The following ZZEF1 variants were observed in gnomAD, a reference collection of about 807,000 sequenced individuals.
ZZEF1 encodes zinc finger ZZ-type and EF-hand domain containing 1, also known as zinc finger ZZ-type and EF-hand domain-containing protein 1.
A neutral mutation model predicts 342.8 loss-of-function variants in ZZEF1; 157 were observed. The observed-to-expected ratio is 0.46, with a 90% CI of 0.40 to 0.52. The LOEUF (loss-of-function observed/expected upper bound fraction) is 0.52, where lower values mean the gene tolerates loss of function less well. Ranked by LOEUF, ZZEF1 falls within the 20% of genes least tolerant of loss-of-function variation. The pLI, the probability that ZZEF1 is intolerant of heterozygous loss-of-function variation, is 0.00. For missense variants in ZZEF1, 3,480 were observed against 3,725.6 expected (o/e 0.93, Z 1.72); for synonymous variants, 1,505 against 1,429.1 (o/e 1.05, Z -1.20).
intron 53 of ZZEF1, 195 bp downstream of exon 53, chr17:4,009,409 T>C: frequency 1.4e-6 from 1 of 713,820 alleles, no homozygotes; most frequent in Non-Finnish European, 2.3e-6. Context: ...AAATAAGCAA[T>C]CTCAGAGCTG....
chr17:4,075,647 AAAACTCCATGACC>A (rs2057598003), intron 21 of ZZEF1, among the ~76,000 whole-genome samples: 1 of 152,198 alleles, frequency 6.6e-6, no homozygotes, highest in African/African-American at 2.4e-5. Context: ...ATTACACACA[AAAACTCCATGACC>A]AGCTTGTACC....
At chr17:4,095,698 A>G (rs2058021598) in intron 11 of ZZEF1, 133 bp downstream of exon 11, 3 of 904,002 alleles carry the variant, frequency 3.3e-6, no homozygotes, top group Admixed American at 2.9e-5. Context: ...ATGGCCACTG[A>G]GATGGATTAG....
chr17:4,064,417 G>T lies in ZZEF1; in HGVS notation c.4662C>A (p.Tyr1554Ter). Residue 1554 changes from tyrosine (Y) to a stop codon, truncating the protein, a stop_gained, in exon 29 of 55, where the codon TAC becomes TAA. Coordinates refer to ENST00000381638, the MANE Select transcript of ZZEF1 (RefSeq NM_015113.4). LOFTEE classifies it high-confidence loss of function. ...ARLVPTVKEK[Y>*]PVLKDVMDFI... ...AGTCCATGACGTCCTTCAGCACAGG[G>T]TATTTCTCTTTCACTGTGGGCACCA... is the stretch of plus-strand genomic sequence containing the variant. 1 of 1,613,676 alleles carries T rather than the reference G, an allele frequency of 6.2e-7. No homozygotes were observed.
In ZZEF1 at chr17:4,064,382, T is replaced by G; in HGVS notation, c.4697A>C (p.Asp1566Ala). 6.3e-7 allele frequency: 1 copy of G among 1,598,172 alleles called. No homozygotes were observed. The highest frequency in any genetic ancestry group is 8.6e-7 in the Non-Finnish European group (1 of 1,168,036). The change falls in exon 29 of 55, where the codon GAT becomes GCT. Residue 1566 changes from aspartate (D) to alanine (A), a missense_variant. Asp to Ala is a moderately radical substitution (Grantham distance 126, BLOSUM62 -2). Around this residue, in one of 5 missense-constraint regions of ZZEF1, gnomAD observed 1,528 missense variants for 1,624.1 expected, o/e 0.94. Coordinates refer to ENST00000381638, the MANE Select transcript of ZZEF1 (RefSeq NM_015113.4). Reference sequence around the variant, plus strand: ...TTACCTCCTGTGCGAGAGCGACTGATCCTTAATGAAGTCCATGACGTCCTT... The same window carrying G: ...TTACCTCCTGTGCGAGAGCGACTGAGCCTTAATGAAGTCCATGACGTCCTT... ...VLKDVMDFIK[D>A]QSLSHRSVVK...
rs138364049 is a variant in ZZEF1, at chr17:4,021,301, T to C, written c.7232A>G (p.Tyr2411Cys). 3 of 1,605,352 alleles carry C rather than the reference T, an allele frequency of 1.9e-6. No individual in the cohort carries two copies. The African/African-American group carries it at 4.1e-5, about 22-fold the overall frequency. Reference protein sequence around the residue: ...RDLEILSIMLYSSKKEINALA... With the variant: ...RDLEILSIMLCSSKKEINALA... ...AGCGTTGATCTCCTTTTTTGAGGAG[T>C]ACAGCATGATGGACAAAATCTACAC... Residue 2411 changes from tyrosine (Y) to cysteine (C), a missense_variant, in exon 45 of 55, where the codon TAC (tyrosine) becomes TGC (cysteine). Around this residue, in one of 5 missense-constraint regions of ZZEF1, gnomAD observed 1,269 missense variants for 1,342.4 expected, o/e 0.95. Transcript: ENST00000381638.
chr17:4,004,513 C>G lies in ZZEF1; in HGVS notation c.*2377G>C, dbSNP rs2055762605. The G allele has an allele frequency of 6.6e-6, 1 of 152,506 alleles. No homozygotes were observed. Among genetic ancestry groups the G allele is most frequent in the African/African-American group, 2.4e-5 (1 of 41,450 alleles). The allele number at this position is 152,506 out of a possible 1,614,324, so 9.4% of individuals were successfully genotyped here. A position where few individuals can be genotyped will look rare whatever the true frequency, so the allele number is the denominator to read the frequency against. On this transcript the variant is annotated 3_prime_UTR_variant, in exon 55 of 55. Transcript: ENST00000381638. ...GCATATTTTACCCACAGCTTAACAT[C>G]CTTTTTACAGGCTGAACTCACTCAG...
chr17:4,076,527 C>G, intron 21 of ZZEF1, 110 bp downstream of exon 21: 1 of 1,400,948 alleles, frequency 7.1e-7, no homozygotes, highest in Admixed American at 2.2e-5. Context: ...AGGGAGCCTT[C>G]TAGAGGCTGC....
chr17:4,091,155 C>G (rs1317146263), intron 11 of ZZEF1, among the ~76,000 whole-genome samples: 3 of 152,196 alleles, frequency 2.0e-5, no homozygotes, highest in African/African-American at 4.8e-5. Flanking sequence ...AATGCAACAG[C>G]TGGCATGTGC....
At chr17:4,059,618 C>T (rs936779380) in intron 30 of ZZEF1, among the ~76,000 whole-genome samples, 1 of 152,192 alleles carries the variant, frequency 6.6e-6, no homozygotes, top group Non-Finnish European at 1.5e-5. Flanking sequence ...TTGATCCTCT[C>T]CACACAATCA....
Position 4,141,428 on chromosome 17 carries a change from C to T in ZZEF1, c.354+1114G>A, listed in dbSNP as rs561965489. Among the ~76,000 whole-genome samples, 5 of 152,338 alleles carry T rather than the reference C, an allele frequency of 3.3e-5. No individual in the cohort carries two copies. The South Asian group carries it at 1.0e-3, about 32-fold the overall frequency. On this transcript the variant is annotated intron_variant, in intron 1 of 54. Coordinates refer to ENST00000381638, the MANE Select transcript of ZZEF1 (RefSeq NM_015113.4). ...CCCTTCGTGGCCACTGAAGATTCTACATGACTGGCTAACTCATTTTCACAA... is the reference window on the plus strand; with the variant it reads ...CCCTTCGTGGCCACTGAAGATTCTATATGACTGGCTAACTCATTTTCACAA...
At chr17:4,088,603 T>C (rs1432234215) in intron 13 of ZZEF1, 75 bp downstream of exon 13, 13 of 1,499,888 alleles carry the variant, frequency 8.7e-6, no homozygotes, top group Admixed American at 1.9e-5. Flanking sequence ...GTTTTATCAG[T>C]TGGTGTTCAT....
intron 37 of ZZEF1, among the ~76,000 whole-genome samples, chr17:4,048,873 A>ATTTTTTTTTTTTTTTTT (rs71144157): frequency 3.7e-5 from 5 of 133,754 alleles, no homozygotes; most frequent in Non-Finnish European, 4.7e-5. Flanking sequence ...AGCCTGGATA[A>ATTTTTTTTTTTTTTTTT]TTTTTTTTTT....
At chr17:4,094,111 C>T (rs1056345239) in intron 11 of ZZEF1, among the ~76,000 whole-genome samples, 5 of 152,100 alleles carry the variant, frequency 3.3e-5, no homozygotes, top group African/African-American at 9.7e-5. Flanking sequence ...AGTTCACACA[C>T]TCTTGCAGAA....
intron 17 of ZZEF1, 146 bp downstream of exon 17, chr17:4,082,291 T>C: frequency 1.5e-6 from 1 of 678,390 alleles, no homozygotes; most frequent in African/African-American, 1.8e-5. Context: ...ATTTTACCAC[T>C]ATTTGGGTCA....
rs569013843 is a variant in ZZEF1 at position 4,072,698 on chromosome 17, T to A, written c.3744A>T (p.Pro1248=). 117 of 1,614,082 alleles carry A rather than the reference T, an allele frequency of 7.2e-5. No homozygotes were observed. In the East Asian group the frequency reaches 2.4e-3, roughly 34 times the overall value. Residue 1248 remains proline, a synonymous_variant, in exon 25 of 55, where the codon CCA becomes CCT. Transcript: ENST00000381638. ...QAKMALVLSS[P]LWKPVFRHQV... ...GATGCCTGAAGACAGGTTTCCACAG[T>A]GGGGAGCTTAGGACTAATGCCATTT...
At chr17:4,121,028 T>C (rs1395935642) in intron 2 of ZZEF1, among the ~76,000 whole-genome samples, 3 of 152,200 alleles carry the variant, frequency 2.0e-5, no homozygotes, top group African/African-American at 7.2e-5. Flanking sequence ...CAAAGGTTCA[T>C]TCCAAGACTG....
chr17:4,008,319 T>G lies in ZZEF1; in HGVS notation c.8805+564A>C. ...CTTTGTTTTGAAAAGTTAGAGTCGT[T>G]TTTCACAAGACGTGTTATTCATGTT... On this transcript the variant is annotated intron_variant, in intron 54 of 54. Coordinates refer to ENST00000381638, the MANE Select transcript of ZZEF1 (RefSeq NM_015113.4). The surrounding 1 kb of genome is among the most constrained non-coding windows in gnomAD (Gnocchi z 4.2). 1.8e-5 allele frequency: 3 copies of G among 162,720 alleles called. No homozygotes were observed. The highest frequency in any genetic ancestry group is 3.8e-5 in the Non-Finnish European group (3 of 78,672). 10.1% of individuals were successfully genotyped at this position (162,720 alleles called of 1,614,324 possible). A position where few individuals can be genotyped will look rare whatever the true frequency, so the allele number is the denominator to read the frequency against.
intron 38 of ZZEF1, among the ~76,000 whole-genome samples, 187 bp downstream of exon 38, chr17:4,044,037 T>G (rs2056857305): frequency 6.6e-6 from 1 of 152,128 alleles, no homozygotes; most frequent in South Asian, 2.1e-4. Flanking sequence ...ATAAATAAGG[T>G]AGGAAAGCAG....
intron 30 of ZZEF1, 149 bp from the exon 31 acceptor site, chr17:4,059,439 T>C (rs896453926): frequency 3.1e-6 from 3 of 972,184 alleles, no homozygotes; most frequent in African/African-American, 3.4e-5. Context: ...ATAATACCTA[T>C]AGAAGGTAAC....
Sources: allele counts gnomAD v4.1 joint callset (sites outside exome capture counted in the v4.1 genomes callset), GRCh38; gene constraint gnomAD v4.1.1; regional missense constraint gnomAD v4.1.1; non-coding constraint Gnocchi (gnomAD v3.1); transcripts MANE v1.5; gene names NCBI Gene and HGNC (gene_info 2026-07-23, HGNC 2026-07-21).